Variants in WDR81 observed in about 807,000 individuals in gnomAD.
The protein encoded by WDR81 is WD repeat domain 81.
Under a neutral mutation model 140.8 loss-of-function variants are expected in WDR81, and 92 were observed. The ratio of observed to expected loss-of-function variants is 0.65; its 90% CI spans 0.55 to 0.78. The LOEUF is 0.78. Ranked by LOEUF, WDR81 falls within the 30% of genes least tolerant of loss-of-function variation. The pLI is 0.00. For missense variants in WDR81, 2,502 were observed against 2,636.4 expected (o/e 0.95, Z 1.12); for synonymous variants, 1,183 against 1,156.4 (o/e 1.02, Z -0.47).
At chr17:1,724,200 T>C (rs1408305964), upstream of WDR81, among the ~76,000 whole-genome samples, 1 of 151,986 alleles carries the variant, frequency 6.6e-6, no homozygotes, top group African/African-American at 2.4e-5. Context: ...CCATCTCTAC[T>C]AAAAAATACA....
At chr17:1,730,729 C>A in intron 2 of WDR81, 26 bp from the exon 3 acceptor site, 1 of 1,590,320 alleles carries the variant, frequency 6.3e-7, no homozygotes, top group Non-Finnish European at 8.6e-7. Context: ...ACTGGCGACT[C>A]AGGGCTGCTG....
In WDR81 at chr17:1,728,345, G is replaced by T. The variant is rs757587282; in HGVS notation, c.3386G>T (p.Gly1129Val). ...LGEERAPDEGGAPVDKSSLRS... is the reference protein window; with the variant it reads ...LGEERAPDEGVAPVDKSSLRS... ...GAGGAGCGGGCTCCAGACGAGGGGG[G>T]TGCCCCCGTGGACAAGAGCAGCCTT... The change falls in exon 1 of 10, where the codon GGT (glycine) becomes GTT (valine). Residue 1129 changes from glycine (G) to valine (V), a missense_variant. Gly to Val is a moderately radical substitution (Grantham distance 109, BLOSUM62 -3). Coordinates refer to ENST00000409644, the MANE Select transcript of WDR81 (RefSeq NM_001163809.2). 7.4e-6 allele frequency: 12 copies of T among 1,612,802 alleles called. No individual in the cohort carries two copies. The African/African-American group carries it at 8.0e-5, about 11-fold the overall frequency.
chr17:1,721,822 A>T (rs1169137748), upstream of WDR81, among the ~76,000 whole-genome samples: 1 of 78,540 alleles, frequency 1.3e-5, no homozygotes, highest in African/African-American at 3.3e-5. Flanking sequence ...ACTCTGTCTT[A>T]AAAAAAAAAA....
In WDR81 at chr17:1,732,666, G is replaced by T; in HGVS notation, c.4324G>T (p.Asp1442Tyr). The change falls in exon 6 of 10, where the codon GAT (aspartate) becomes TAT (tyrosine). Residue 1442 changes from aspartate to tyrosine, a missense_variant and splice_region_variant. Physicochemically the swap from Asp to Tyr is radical, Grantham distance 160. This residue lies in a region of WDR81 where 1,737 missense variants were observed against 1,843.0 expected (regional missense o/e 0.94). Transcript: ENST00000409644. ...GACCCCCTGGGTGTCTTGCTCATAGGATCTGAAGCTGGACCCTGCGGGCCG... is the reference window on the plus strand; with the variant it reads ...GACCCCCTGGGTGTCTTGCTCATAGTATCTGAAGCTGGACCCTGCGGGCCG... The part of the protein sequence containing the change: ...FSQLHELRQQ[D>Y]LKLDPAGRGE... 6.2e-7 allele frequency: 1 copy of T among 1,601,284 alleles called. No individual in the cohort carries two copies. The highest frequency in any genetic ancestry group is 1.1e-5 in the South Asian group (1 of 89,804).
Position 1,735,469 on chromosome 17 carries a change from G to C in WDR81, c.5180-103G>C. The C allele has an allele frequency of 8.4e-7, 1 of 1,196,612 alleles. No individual in the cohort carries two copies. The highest frequency in any genetic ancestry group is 1.1e-6 in the Non-Finnish European group (1 of 880,208). 74.1% of individuals were successfully genotyped at this position (1,196,612 alleles called of 1,614,324 possible). On this transcript the variant is annotated intron_variant, in intron 7 of 9. Coordinates refer to ENST00000409644, the MANE Select transcript of WDR81 (RefSeq NM_001163809.2). The surrounding 1 kb of genome is among the most constrained non-coding windows in gnomAD (Gnocchi z 4.2). ...TCTTTAGCATTTTCTAAGGATCCCT[G>C]GGGGACGGGAGGCAGGTGTGCGGTG... is the stretch of plus-strand genomic sequence containing the variant.
rs1378222623 is a variant in WDR81 at position 1,726,692 on chromosome 17, A to G, written c.1733A>G (p.Tyr578Cys). Residue 578 changes from tyrosine to cysteine, a missense_variant, in exon 1 of 10, where the codon TAC becomes TGC. Transcript: ENST00000409644. ...LVDAHTHLAS[Y>C]GVVQLFDQPH... ...GACGCCCACACTCACCTGGCCAGCT[A>G]CGGGGTGGTGCAGCTCTTCGATCAG... 2 of 1,549,616 alleles carry G rather than the reference A, an allele frequency of 1.3e-6. No individual in the cohort carries two copies. The highest frequency in any genetic ancestry group is 1.7e-6 in the Non-Finnish European group (2 of 1,146,964).
chr17:1,733,683 G>T lies in WDR81; in HGVS notation c.4646G>T (p.Cys1549Phe), dbSNP rs750133304. 1 of 1,611,928 alleles carries T rather than the reference G, an allele frequency of 6.2e-7. No individual in the cohort carries two copies. The change falls in exon 7 of 10, where the codon TGC becomes TTC. Residue 1549 changes from cysteine to phenylalanine, a missense_variant. By Grantham distance (205) the Cys-to-Phe change is radical. This residue lies in a region of WDR81 where 1,737 missense variants were observed against 1,843.0 expected (regional missense o/e 0.94). Coordinates refer to ENST00000409644, the MANE Select transcript of WDR81 (RefSeq NM_001163809.2). ...GAGTGGGACCCCCATGGTGGGGGCT[G>T]CCCTCAGGATGACGGCCACTCAGGG... ...GPEWDPHGGG[C>F]PQDDGHSGTF... is the part of the protein sequence containing the mutation.
chr17:1,732,392 T>G lies in WDR81; in HGVS notation c.4225T>G (p.Cys1409Gly), dbSNP rs142940819. Residue 1409 changes from cysteine (C) to glycine (G), a missense_variant, in exon 5 of 10, where the codon TGC becomes GGC. Physicochemically the swap from Cys to Gly is radical, Grantham distance 159. This residue lies in a region of WDR81 where 1,737 missense variants were observed against 1,843.0 expected (regional missense o/e 0.94). Coordinates refer to ENST00000409644, the MANE Select transcript of WDR81 (RefSeq NM_001163809.2). Reference protein sequence around the residue: ...VKTISLIALICLRIGQEMVQQ... With the variant: ...VKTISLIALIGLRIGQEMVQQ... Reference sequence around the variant, plus strand: ...AACCATCAGCCTCATCGCCCTCATCTGCCTGCGCATTGGACAGGAGATGGT... The same window carrying G: ...AACCATCAGCCTCATCGCCCTCATCGGCCTGCGCATTGGACAGGAGATGGT... 1,043 of 1,613,726 alleles carry G rather than the reference T, an allele frequency of 6.5e-4. 1 individual carries two copies. The highest frequency in any genetic ancestry group is 8.6e-4 in the Non-Finnish European group (1,009 of 1,180,028).
Position 1,730,452 on chromosome 17 carries a change from G to A in WDR81, c.3740G>A (p.Arg1247Gln), listed in dbSNP as rs552940006. The A allele has an allele frequency of 1.4e-5, 22 of 1,613,300 alleles. No individual in the cohort carries two copies. Among genetic ancestry groups the A allele is most frequent in the Admixed American group, 1.0e-4 (6 of 60,002 alleles). ...ACAGTGGCCTCTCGCCACGTGGCCC[G>A]GAACCTGCTCCGCCTGCTGACGTCT... ...GPTVASRHVA[R>Q]NLLRLLTSCY... The change falls in exon 2 of 10, where the codon CGG becomes CAG. Residue 1247 changes from arginine (R) to glutamine (Q), a missense_variant. By Grantham distance (43) the Arg-to-Gln change is conservative. Transcript: ENST00000409644.
chr17:1,732,608 G>C lies in WDR81; in HGVS notation c.4324-58G>C. 5 of 1,571,806 alleles carry C rather than the reference G, an allele frequency of 3.2e-6. 1 individual carries two copies. In the South Asian group the frequency reaches 5.9e-5, roughly 19 times the overall value. ...ACTCCGCGGGCCGTGGCGAGGACCA[G>C]GGTGGGCCAGGGTGGGAGCTGTGGA... On this transcript the variant is annotated intron_variant, in intron 5 of 9. Coordinates refer to ENST00000409644, the MANE Select transcript of WDR81 (RefSeq NM_001163809.2).
Position 1,726,745 on chromosome 17 carries a change from C to T in WDR81, c.1786C>T (p.Pro596Ser), listed in dbSNP as rs1351780089. ...ACACCCCCAGCGCCTGGCTGGGGCT[C>T]CTGCCCTTGCCCCCGAGCCTCCCCT... is the stretch of plus-strand genomic sequence containing the variant. The part of the protein sequence containing the change: ...QPHPQRLAGA[P>S]ALAPEPPLIP... The change falls in exon 1 of 10, where the codon CCT becomes TCT. Residue 596 changes from proline (P) to serine (S), a missense_variant. Physicochemically the swap from Pro to Ser is moderately conservative, Grantham distance 74. This residue lies in a region of WDR81 where 1,737 missense variants were observed against 1,843.0 expected (regional missense o/e 0.94). Transcript: ENST00000409644. The T allele has an allele frequency of 1.9e-6, 3 of 1,547,372 alleles. No homozygotes were observed. The highest frequency in any genetic ancestry group is 1.4e-5 in the African/African-American group (1 of 73,036).
chr17:1,716,543 A>G, exon 1 of WDR81: 1 of 1,550,526 alleles, frequency 6.4e-7, no homozygotes, highest in Non-Finnish European at 8.7e-7. Context: ...CCTAAAGAGC[A>G]GGCGAAAGCC....
chr17:1,734,656 G>A (rs868781997), intron 7 of WDR81, among the ~76,000 whole-genome samples: 2 of 151,848 alleles, frequency 1.3e-5, no homozygotes, highest in South Asian at 2.1e-4. Flanking sequence ...GCGGGTGCCT[G>A]TACTCCCAAC....
Position 1,725,373 on chromosome 17 carries a change from C to T in WDR81, c.414C>T (p.Phe138=), listed in dbSNP as rs972966868. 3.2e-6 allele frequency: 5 copies of T among 1,549,426 alleles called. No homozygotes were observed. Among genetic ancestry groups the T allele is most frequent in the African/African-American group, 1.4e-5 (1 of 73,078 alleles). ...GSCGPETLTR[F]MQEVAAQNYR... Reference sequence around the variant, plus strand: ...GCGGCCCTGAGACCCTCACTCGCTTCATGCAGGAGGTTGCCGCCCAGAATT... The same window carrying T: ...GCGGCCCTGAGACCCTCACTCGCTTTATGCAGGAGGTTGCCGCCCAGAATT... The change falls in exon 1 of 10, where the codon TTC becomes TTT. Residue 138 remains phenylalanine (F), a synonymous_variant. Coordinates refer to ENST00000409644, the MANE Select transcript of WDR81 (RefSeq NM_001163809.2).
Position 1,733,608 on chromosome 17 carries a change from G to C in WDR81, c.4571G>C (p.Ser1524Thr), listed in dbSNP as rs1303393111. 3 of 1,578,996 alleles carry C rather than the reference G, an allele frequency of 1.9e-6. No individual in the cohort carries two copies. Among genetic ancestry groups the C allele is most frequent in the Non-Finnish European group, 2.6e-6 (3 of 1,162,316 alleles). Residue 1524 changes from serine to threonine, a missense_variant, in exon 7 of 10, where the codon AGC (serine) becomes ACC (threonine). This residue lies in a region of WDR81 where 1,737 missense variants were observed against 1,843.0 expected (regional missense o/e 0.94). Coordinates refer to ENST00000409644, the MANE Select transcript of WDR81 (RefSeq NM_001163809.2). Reference sequence around the variant, plus strand: ...CTGTACTTGGAGAGCATCAGCCCCAGCAGTCGCAACCCTGCCAGCGTGGAG... The same window carrying C: ...CTGTACTTGGAGAGCATCAGCCCCACCAGTCGCAACCCTGCCAGCGTGGAG... ...AALYLESISP[S>T]SRNPASVEPT... is the part of the protein sequence containing the mutation.
In WDR81 at chr17:1,726,711, C is replaced by G; in HGVS notation, c.1752C>G (p.Phe584Leu). Residue 584 changes from phenylalanine to leucine, a missense_variant, in exon 1 of 10, where the codon TTC (phenylalanine) becomes TTG (leucine). Transcript: ENST00000409644. ...CCAGCTACGGGGTGGTGCAGCTCTT[C>G]GATCAGCCACACCCCCAGCGCCTGG... ...HLASYGVVQL[F>L]DQPHPQRLAG... 3.2e-6 allele frequency: 5 copies of G among 1,549,000 alleles called. No individual in the cohort carries two copies. In the South Asian group the frequency reaches 5.9e-5, roughly 18 times the overall value.
rs1005496197 is a variant in WDR81, at chr17:1,729,514, G to C, written c.3668-866G>C. ...AAAAAAAATGGTGCTTTTACATCTA[G>C]TTTTCAAGGGTCAGAGCAGGCTTCC... On this transcript the variant is annotated intron_variant, in intron 1 of 9. Transcript: ENST00000409644. Among the ~76,000 whole-genome samples the C allele has an allele frequency of 1.4e-4, 22 of 152,142 alleles. No homozygotes were observed. In the Middle Eastern group the frequency reaches 0.01, roughly 71 times the overall value.
rs1435001353 is a variant in WDR81, at chr17:1,725,767, G to A, written c.808G>A (p.Ala270Thr). 1 of 1,550,652 alleles carries A rather than the reference G, an allele frequency of 6.4e-7. No homozygotes were observed. The highest frequency in any genetic ancestry group is 1.2e-5 in the South Asian group (1 of 84,066). The change falls in exon 1 of 10, where the codon GCT (alanine) becomes ACT (threonine). Residue 270 changes from alanine (A) to threonine (T), a missense_variant. Coordinates refer to ENST00000409644, the MANE Select transcript of WDR81 (RefSeq NM_001163809.2). The stretch of plus-strand genomic sequence containing the variant: ...GTTCATTCTCTTCCGCGTGCTGAGG[G>A]CTATGGACGCCTGTCACCGCCAGGG... ...VLFILFRVLRAMDACHRQGLA... is the reference protein window; with the variant it reads ...VLFILFRVLRTMDACHRQGLA...
At chr17:1,717,710 G>T (rs536197299) in intron 1 of WDR81, among the ~76,000 whole-genome samples, 1 of 152,204 alleles carries the variant, frequency 6.6e-6, no homozygotes, top group African/African-American at 2.4e-5. Flanking sequence ...GAACGTGGGG[G>T]ATGTGATTGT....
Sources: allele counts gnomAD v4.1 joint callset (sites outside exome capture counted in the v4.1 genomes callset), GRCh38; gene constraint gnomAD v4.1.1; regional missense constraint gnomAD v4.1.1; non-coding constraint Gnocchi (gnomAD v3.1); transcripts MANE v1.5; gene names NCBI Gene and HGNC (gene_info 2026-07-23, HGNC 2026-07-21).